Variants in NCKAP5 observed in about 807,000 individuals in gnomAD.
NCKAP5 encodes the protein NCK associated protein 5.
In NCKAP5, 92 loss-of-function variants were observed where a neutral mutation model predicts 167.0. The observed-to-expected ratio is 0.55, with a 90% confidence interval of 0.47 to 0.66. NCKAP5 has a LOEUF of 0.66. Ranked by LOEUF, NCKAP5 falls within the 30% of genes least tolerant of loss-of-function variation. NCKAP5 has a pLI of 0.00. For missense variants in NCKAP5, 2,378 were observed against 2,315.0 expected, an observed-to-expected ratio of 1.03 and a Z score of -0.56; for synonymous variants, 891 against 877.4, an observed-to-expected ratio of 1.02 and a Z score of -0.27.
intron 11 of NCKAP5, among the ~76,000 whole-genome samples, chr2:132,842,181 A>T (rs149301395): frequency 1.6e-4 from 24 of 152,138 alleles, no homozygotes; most frequent in African/African-American, 5.5e-4. Context: ...TTTACAGTTT[A>T]CATTTTGCTA....
intron 8 of NCKAP5, among the ~76,000 whole-genome samples, chr2:132,929,706 G>A (rs1266049733): frequency 2.0e-5 from 3 of 152,056 alleles, no homozygotes; most frequent in East Asian, 3.9e-4. Context: ...CTATAATACA[G>A]GGGTAAATCA....
chr2:132,684,057 G>T (rs1685617757), intron 19 of NCKAP5, among the ~76,000 whole-genome samples: 1 of 152,128 alleles, frequency 6.6e-6, no homozygotes, highest in African/African-American at 2.4e-5. Context: ...CATTATAAAA[G>T]GTATTCTCTT....
At chr2:133,266,292 C>T (rs1442220672) in intron 4 of NCKAP5, 5 of 152,380 alleles carry the variant, frequency 3.3e-5, no homozygotes, top group Admixed American at 3.3e-4. Context: ...TGCCGTCGGG[C>T]TATGGTAAAG....
intron 3 of NCKAP5, among the ~76,000 whole-genome samples, chr2:133,369,504 A>G (rs926547178): frequency 6.6e-6 from 1 of 152,252 alleles, no homozygotes; most frequent in Non-Finnish European, 1.5e-5. Context: ...ATAACTGTTT[A>G]GCCATGTAGG....
At chr2:133,476,321 G>C (rs1679883115) in intron 3 of NCKAP5, among the ~76,000 whole-genome samples, 1 of 152,052 alleles carries the variant, frequency 6.6e-6, no homozygotes, top group Non-Finnish European at 1.5e-5. Context: ...TTGAGGAAAG[G>C]AAAAAACACT....
chr2:133,314,549 C>T (rs565411333), intron 3 of NCKAP5, among the ~76,000 whole-genome samples: 3 of 152,200 alleles, frequency 2.0e-5, no homozygotes, highest in Non-Finnish European at 2.9e-5. Context: ...CTGATTACCC[C>T]GATTACCACC....
Position 133,363,282 on chromosome 2 carries a change from C to A in NCKAP5, c.70-60172G>T, listed in dbSNP as rs79170875. Among the ~76,000 whole-genome samples the A allele has an allele frequency of 2.7e-3, 405 of 152,200 alleles. 9 individuals are homozygous for A. The East Asian group carries it at 0.049, about 18-fold the overall frequency. On this transcript the variant is annotated intron_variant, in intron 3 of 19. Transcript: ENST00000409261. ...GTGGTCCCACAAATCTAACCCACTG[C>A]CCATTTTTGTAAATAAATGTTGGAA...
At chr2:132,899,982 T>C (rs1381071436) in intron 8 of NCKAP5, among the ~76,000 whole-genome samples, 1 of 152,184 alleles carries the variant, frequency 6.6e-6, no homozygotes, top group Non-Finnish European at 1.5e-5. Flanking sequence ...GGTTGAATAA[T>C]TGGCCCAATT....
rs377582875 is a variant in NCKAP5, at chr2:132,783,264, C to A, written c.3547G>T (p.Val1183Leu). The change falls in exon 14 of 20, where the codon GTG becomes TTG. Residue 1183 changes from valine (V) to leucine (L), a missense_variant. Coordinates refer to ENST00000409261, the MANE Select transcript of NCKAP5 (RefSeq NM_207363.3). ...TCTGGCTTAGACTTGTTCACAGCCA[C>A]GGAACTTTTGGAGGCTTCATTTAAA... is the stretch of plus-strand genomic sequence containing the variant. The part of the protein sequence containing the change: ...DSLNEASKSS[V>L]AVNKSKPEDS... The A allele has an allele frequency of 6.2e-7, 1 of 1,613,782 alleles. No individual in the cohort carries two copies. The highest frequency in any genetic ancestry group is 1.7e-5 in the Admixed American group (1 of 59,986).
rs2087749371 is a variant in NCKAP5 at position 133,242,249 on chromosome 2, C to CA, written c.144-28471_144-28470insT. The stretch of plus-strand genomic sequence containing the variant: ...TTGGTAAATACTCTGTTTTTCTTTT[C>CA]TTTTCTTTTCTTTTTTTTTTAACTG... On this transcript the variant is annotated intron_variant, in intron 4 of 19. Coordinates refer to ENST00000409261, the MANE Select transcript of NCKAP5 (RefSeq NM_207363.3). 1.4e-5 allele frequency among the ~76,000 whole-genome samples: 2 copies of CA among 140,218 alleles called. 1 individual carries two copies. The highest frequency in any genetic ancestry group is 4.3e-4 in the South Asian group (2 of 4,702). 92.0% of individuals were successfully genotyped at this position (140,218 alleles called of 152,430 possible).
chr2:133,605,453 A>G, the NCKAP5 span, among the ~76,000 whole-genome samples: 1 of 152,114 alleles, frequency 6.6e-6, no homozygotes, highest in East Asian at 1.9e-4. Context: ...AGCAACTCCT[A>G]AAGGGGATGA....
At chr2:132,964,767 A>T (rs2149210983) in intron 7 of NCKAP5, among the ~76,000 whole-genome samples, 1 of 152,312 alleles carries the variant, frequency 6.6e-6, no homozygotes, top group South Asian at 2.1e-4. Context: ...TATCAGTGGT[A>T]AAAGACTTCT....
chr2:132,886,851 G>T (rs879550737), intron 8 of NCKAP5, among the ~76,000 whole-genome samples: 1 of 152,122 alleles, frequency 6.6e-6, no homozygotes, highest in Admixed American at 6.5e-5. Flanking sequence ...CTTTTTGAGA[G>T]CCAACATGAA....
intron 17 of NCKAP5, among the ~76,000 whole-genome samples, chr2:132,730,330 C>T (rs541084237): frequency 6.6e-6 from 1 of 152,078 alleles, no homozygotes; most frequent in African/African-American, 2.4e-5. Context: ...CCCATCTCTA[C>T]TAAAAATACA....
At chr2:133,164,979 T>C (rs1218925380) in intron 5 of NCKAP5, among the ~76,000 whole-genome samples, 1 of 152,208 alleles carries the variant, frequency 6.6e-6, no homozygotes, top group Non-Finnish European at 1.5e-5. Context: ...CACAAAGTGT[T>C]GGCAAAGAAA....
At chr2:132,867,818 A>C (rs923957705) in intron 10 of NCKAP5, among the ~76,000 whole-genome samples, 3 of 152,202 alleles carry the variant, frequency 2.0e-5, no homozygotes, top group African/African-American at 7.2e-5. Context: ...TAGCTTATTT[A>C]ACCCACCTCA....
intron 11 of NCKAP5, among the ~76,000 whole-genome samples, chr2:132,834,942 CTGTG>C (rs1175624719): frequency 3.9e-5 from 6 of 152,118 alleles, no homozygotes; most frequent in African/African-American, 1.4e-4. Flanking sequence ...AGGATGCTGG[CTGTG>C]TGTTTGTTGT....
intron 19 of NCKAP5, among the ~76,000 whole-genome samples, chr2:132,700,932 G>GGGGGC (rs1687819594): frequency 8.2e-6 from 1 of 122,420 alleles, no homozygotes; most frequent in African/African-American, 4.3e-5. Context: ...CCCCTGGGCG[G>GGGGGC]GGGGGGGGGC....
intron 3 of NCKAP5, among the ~76,000 whole-genome samples, chr2:133,471,025 T>C (rs143008407): frequency 6.6e-6 from 1 of 152,390 alleles, no homozygotes; most frequent in African/African-American, 2.4e-5. Context: ...TTCGGCCATC[T>C]TGGCTCCTCC....
Sources: allele counts gnomAD v4.1 joint callset (sites outside exome capture counted in the v4.1 genomes callset), GRCh38; gene constraint gnomAD v4.1.1; transcripts MANE v1.5; gene names NCBI Gene and HGNC (gene_info 2026-07-23, HGNC 2026-07-21).